Variants in ATL2 observed in about 807,000 individuals in gnomAD.
ATL2 encodes the protein atlastin-2.
In ATL2, 31 loss-of-function variants were observed where a neutral mutation model predicts 73.9. The observed-to-expected ratio is 0.42, with a 90% CI of 0.32 to 0.57. ATL2 has a LOEUF of 0.57. Among genes scored for constraint, ATL2 ranks in the 20% least tolerant of loss-of-function variants. The probability of loss-of-function intolerance (pLI) is 0.14; values close to 1 mark genes in which losing one functional copy is unlikely to be tolerated. For synonymous variants in ATL2, 291 were observed against 237.5 expected, an observed-to-expected ratio of 1.23 and a Z score of -2.07; for missense variants, 738 against 702.6, an observed-to-expected ratio of 1.05 and a Z score of -0.57.
chr2:38,336,985 C>T (rs1195418879), intron 2 of ATL2, among the ~76,000 whole-genome samples: 3 of 152,076 alleles, frequency 2.0e-5, no homozygotes, highest in Non-Finnish European at 4.4e-5. Flanking sequence ...AGAAGATTCA[C>T]AGAATGCAGA....
Position 38,353,177 on chromosome 2 carries a change from C to A in ATL2, c.119-9665G>T, listed in dbSNP as rs763382887. On this transcript the variant is annotated intron_variant, in intron 1 of 12. Coordinates refer to ENST00000378954, the MANE Select transcript of ATL2 (RefSeq NM_001135673.4). ...GCAGACAAATGCTTTTAACCAGATA[C>A]TGTAAATACGTTCAAGGACTTACAG... Among the ~76,000 whole-genome samples, 8 of 152,286 alleles carry A rather than the reference C, an allele frequency of 5.3e-5. No homozygotes were observed. The South Asian group carries it at 8.3e-4, about 16-fold the overall frequency.
At chr2:38,335,830 A>G (rs1442920134) in intron 2 of ATL2, among the ~76,000 whole-genome samples, 1 of 152,198 alleles carries the variant, frequency 6.6e-6, no homozygotes, top group Non-Finnish European at 1.5e-5. Flanking sequence ...CAATGAGGTC[A>G]GGAGATCAAG....
At chr2:38,311,933 G>C (rs1462638921) in intron 7 of ATL2, among the ~76,000 whole-genome samples, 1 of 152,180 alleles carries the variant, frequency 6.6e-6, no homozygotes, top group Non-Finnish European at 1.5e-5. Flanking sequence ...GCTGATGACT[G>C]AAATTATTTC....
In ATL2 at chr2:38,310,316, T is replaced by C. The variant is rs1036177986; in HGVS notation, c.936A>G (p.Arg312=). ...KVATNPSFDG[R]LKDIDEDFKR... ...AAGAATGGGAATTCCCACCTTTCAA[T>C]CTCCCATCAAAACTAGGATTAGTTG... The change falls in exon 8 of 13, where the codon AGA becomes AGG. Residue 312 remains arginine, a synonymous_variant. Transcript: ENST00000378954. 10 of 1,610,596 alleles carry C rather than the reference T, an allele frequency of 6.2e-6. No homozygotes were observed. Among genetic ancestry groups the C allele is most frequent in the Non-Finnish European group, 8.5e-6 (10 of 1,179,290 alleles).
Position 38,314,595 on chromosome 2 carries a change from A to C in ATL2, c.711+13T>G, listed in dbSNP as rs763605371. On this transcript the variant is annotated intron_variant, in intron 6 of 12. Coordinates refer to ENST00000378954, the MANE Select transcript of ATL2 (RefSeq NM_001135673.4). The stretch of plus-strand genomic sequence containing the variant: ...ATAGGCTAATCTTTAAAATGTTAGA[A>C]TAACTTTTTTACCTGAAATGGTTTC... The C allele has an allele frequency of 1.9e-6, 3 of 1,582,184 alleles. No individual in the cohort carries two copies. The Admixed American group carries it at 5.0e-5, about 27-fold the overall frequency.
At chr2:38,344,689 T>C (rs1669920206) in intron 1 of ATL2, among the ~76,000 whole-genome samples, 1 of 152,136 alleles carries the variant, frequency 6.6e-6, no homozygotes, top group East Asian at 1.9e-4. Flanking sequence ...CTAACAAGTT[T>C]CCAAAAATGA....
chr2:38,296,221 G>A, intron 12 of ATL2, 108 bp from the exon 13 acceptor site: 2 of 1,420,070 alleles, frequency 1.4e-6, no homozygotes, highest in East Asian at 2.5e-5. Flanking sequence ...AAAATAACCA[G>A]GAATATGGGA....
chr2:38,311,091 T>C (rs182395411), intron 7 of ATL2, among the ~76,000 whole-genome samples: 1 of 151,844 alleles, frequency 6.6e-6, no homozygotes, highest in Admixed American at 6.6e-5. Context: ...ACCTTTAAAG[T>C]ACTTACAACA....
intron 9 of ATL2, among the ~76,000 whole-genome samples, chr2:38,302,615 G>A (rs1354606778): frequency 6.6e-6 from 1 of 152,192 alleles, no homozygotes; most frequent in African/African-American, 2.4e-5. Flanking sequence ...GCTCAGCACA[G>A]AGACAGAGAC....
rs374742585 is a variant in ATL2, at chr2:38,377,249, C to G, written c.12G>C (p.Gly4=). ...GTTGCTGCCCTCGCGCTGCCTCGTC[C>G]CCCTCCGCCATCTTGTACCGATTTA... The part of the protein sequence containing the change: MAE[G]DEAARGQQPH... Residue 4 remains glycine, a synonymous_variant, in exon 1 of 13, where the codon GGG becomes GGC. Coordinates refer to ENST00000378954, the MANE Select transcript of ATL2 (RefSeq NM_001135673.4). The G allele has an allele frequency of 1.5e-5, 24 of 1,589,484 alleles. No individual in the cohort carries two copies. Among genetic ancestry groups the G allele is most frequent in the Non-Finnish European group, 2.0e-5 (23 of 1,168,684 alleles).
chr2:38,335,389 A>G (rs1242126448), intron 2 of ATL2, among the ~76,000 whole-genome samples: 2 of 152,226 alleles, frequency 1.3e-5, no homozygotes. Flanking sequence ...ATCCAATGAA[A>G]TATCACTCAG....
At chr2:38,336,153 A>G (rs1669346267) in intron 2 of ATL2, among the ~76,000 whole-genome samples, 2 of 152,360 alleles carry the variant, frequency 1.3e-5, no homozygotes, top group Admixed American at 6.5e-5. Context: ...GTATTTGCAC[A>G]TTTCCCATGA....
intron 1 of ATL2, among the ~76,000 whole-genome samples, chr2:38,356,052 T>C (rs1315350761): frequency 6.6e-6 from 1 of 151,810 alleles, no homozygotes; most frequent in Non-Finnish European, 1.5e-5. Flanking sequence ...AACAAAAAAT[T>C]ACTATTAAGA....
At chr2:38,307,247 A>G (rs1423437586) in intron 9 of ATL2, among the ~76,000 whole-genome samples, 1 of 152,106 alleles carries the variant, frequency 6.6e-6, no homozygotes, top group Non-Finnish European at 1.5e-5. Context: ...AATCCCAGCT[A>G]CTTTTTTGAT....
rs1282207919 is a variant in ATL2 at position 38,294,916 on chromosome 2, A to T, written c.*1078T>A. The T allele has an allele frequency of 1.3e-5, 2 of 151,378 alleles. No homozygotes were observed. The highest frequency in any genetic ancestry group is 6.6e-5 in the Admixed American group (1 of 15,142). 9.4% of individuals were successfully genotyped at this position (151,378 alleles called of 1,614,324 possible). On this transcript the variant is annotated 3_prime_UTR_variant, in exon 13 of 13. Coordinates refer to ENST00000378954, the MANE Select transcript of ATL2 (RefSeq NM_001135673.4). ...ATATACAACAAATTTTTAATTATGT[A>T]CTGAAAATAAATTACAGGAAATAAC... is the stretch of plus-strand genomic sequence containing the variant.
intron 2 of ATL2, among the ~76,000 whole-genome samples, chr2:38,324,131 A>C (rs1013969399): frequency 1.3e-5 from 2 of 152,200 alleles, no homozygotes; most frequent in Admixed American, 6.5e-5. Flanking sequence ...CAAAAAAATT[A>C]GCCAAGCATG....
intron 1 of ATL2, chr2:38,358,838 A>T (rs1337808245): frequency 6.6e-6 from 1 of 152,420 alleles, no homozygotes; most frequent in East Asian, 1.9e-4. Context: ...CTCCCCCACA[A>T]GACTATTGCA....
At chr2:38,376,999 C>G in intron 1 of ATL2, 144 bp downstream of exon 1, 2 of 582,430 alleles carry the variant, frequency 3.4e-6, no homozygotes, top group South Asian at 5.6e-5. Flanking sequence ...TGAGGCTAGG[C>G]CCGGCGGGCA....
At chr2:38,371,496 G>A (rs966148588) in intron 1 of ATL2, among the ~76,000 whole-genome samples, 11 of 151,640 alleles carry the variant, frequency 7.3e-5, no homozygotes, top group East Asian at 1.9e-4. Flanking sequence ...GCAAGACCTC[G>A]TTTCAAAAAA....
Sources: allele counts gnomAD v4.1 joint callset (sites outside exome capture counted in the v4.1 genomes callset), GRCh38; gene constraint gnomAD v4.1.1; transcripts MANE v1.5; gene names NCBI Gene and HGNC (gene_info 2026-07-23, HGNC 2026-07-21).